Variants in IFT88 observed in about 807,000 individuals in gnomAD.
IFT88 encodes the protein intraflagellar transport 88, also known as intraflagellar transport protein 88 homolog.
In IFT88, 74 loss-of-function variants were observed where a neutral mutation model predicts 119.5. That is an observed-to-expected ratio of 0.62 (90% CI 0.51 to 0.75). The LOEUF is 0.75. IFT88 is among the 30% of genes least tolerant of loss of function. The pLI, the probability that IFT88 is intolerant of heterozygous loss-of-function variation, is 0.00. For missense variants in IFT88, 961 were observed against 977.7 expected (o/e 0.98, Z 0.23); for synonymous variants, 279 against 316.7 (o/e 0.88, Z 1.26).
chr13:20,656,447 A>T lies in IFT88; in HGVS notation c.2068+17A>T. 1 of 1,314,330 alleles carries T rather than the reference A, an allele frequency of 7.6e-7. No homozygotes were observed. Among genetic ancestry groups the T allele is most frequent in the Non-Finnish European group, 1.1e-6 (1 of 941,270 alleles). The allele number at this position is 1,314,330 out of a possible 1,614,324, so 81.4% of individuals were successfully genotyped here. On this transcript the variant is annotated intron_variant, in intron 22 of 25. Transcript: ENST00000351808. ...ATGTCGAATGTAAGTGGCATTACAT[A>T]ATGTAACTTTGAAGTGATAAGTTCT...
At chr13:20,664,442 G>T (rs1239298158) in intron 23 of IFT88, among the ~76,000 whole-genome samples, 1 of 152,136 alleles carries the variant, frequency 6.6e-6, no homozygotes, top group Non-Finnish European at 1.5e-5. Context: ...AGCAATTGTG[G>T]CACTGGGTTG....
At chr13:20,645,020 A>G in intron 20 of IFT88, 62 bp downstream of exon 20, 2 of 740,466 alleles carry the variant, frequency 2.7e-6, no homozygotes, top group Non-Finnish European at 4.7e-6. Flanking sequence ...TTTAATCCCT[A>G]GAATTAGTAT....
rs377274164 is a variant in IFT88, at chr13:20,691,207, A to G, written c.*32A>G. ...CTTTAATATTTATTAAAGGAAAGAAATTGCCTTATGAGATCATCCTCATGT... is the reference window on the plus strand; with the variant it reads ...CTTTAATATTTATTAAAGGAAAGAAGTTGCCTTATGAGATCATCCTCATGT... On this transcript the variant is annotated 3_prime_UTR_variant, in exon 26 of 26. Transcript: ENST00000351808. 1.9e-6 allele frequency: 3 copies of G among 1,586,216 alleles called. No homozygotes were observed. Among genetic ancestry groups the G allele is most frequent in the Non-Finnish European group, 2.6e-6 (3 of 1,160,470 alleles).
intron 23 of IFT88, among the ~76,000 whole-genome samples, chr13:20,668,267 G>A (rs997019646): frequency 6.6e-6 from 1 of 152,234 alleles, no homozygotes; most frequent in Non-Finnish European, 1.5e-5. Flanking sequence ...TCCGAAGGAA[G>A]CACTTAGATC....
chr13:20,625,644 AC>A (rs1227856342), intron 14 of IFT88, 105 bp from the exon 15 acceptor site: 9 of 694,204 alleles, frequency 1.3e-5, no homozygotes, highest in Non-Finnish European at 2.2e-5. Flanking sequence ...TTTACAGAGT[AC>A]TAGGGACCCT....
chr13:20,644,163 T>A (rs1219528371), intron 19 of IFT88, among the ~76,000 whole-genome samples: 1 of 152,036 alleles, frequency 6.6e-6, no homozygotes, highest in African/African-American at 2.4e-5. Context: ...GACCAAGAGA[T>A]GAAGAACAGC....
intron 19 of IFT88, 119 bp downstream of exon 19, chr13:20,643,724 A>G: frequency 1.4e-6 from 1 of 719,416 alleles, no homozygotes. Context: ...TTTATTTAAA[A>G]TAAAGCATTC....
chr13:20,619,018 G>A (rs1000569292), intron 14 of IFT88, among the ~76,000 whole-genome samples: 4 of 151,752 alleles, frequency 2.6e-5, no homozygotes, highest in South Asian at 2.1e-4. Flanking sequence ...TGCCACGCCC[G>A]GCCAATTTTT....
chr13:20,637,893 C>G lies in IFT88; in HGVS notation c.1387-439C>G, dbSNP rs2497491. Among the ~76,000 whole-genome samples, 369 of 152,198 alleles carry G rather than the reference C, an allele frequency of 2.4e-3. 1 individual carries two copies. Among genetic ancestry groups the G allele is most frequent in the Admixed American group, 4.6e-3 (70 of 15,276 alleles). On this transcript the variant is annotated intron_variant, in intron 16 of 25. Coordinates refer to ENST00000351808, the MANE Select transcript of IFT88 (RefSeq NM_006531.5). Reference sequence around the variant, plus strand: ...ACGTGAATGATGGCAAGGCCCTGACCGAGCATTTGGCATGGAGACGGAAAA... The same window carrying G: ...ACGTGAATGATGGCAAGGCCCTGACGGAGCATTTGGCATGGAGACGGAAAA...
chr13:20,610,640 T>C (rs1209782172), intron 13 of IFT88, among the ~76,000 whole-genome samples: 1 of 150,836 alleles, frequency 6.6e-6, no homozygotes, highest in Non-Finnish European at 1.5e-5. Flanking sequence ...CTTTCCTTTA[T>C]GAATGTAGAA....
At chr13:20,580,724 CTTTTT>C (rs1162699940) in intron 2 of IFT88, among the ~76,000 whole-genome samples, 2 of 122,738 alleles carry the variant, frequency 1.6e-5, no homozygotes, top group Non-Finnish European at 1.7e-5. Flanking sequence ...TTTCTTTTTT[CTTTTT>C]TTTTTTTTTT....
chr13:20,582,120 AG>A (rs1242726056), intron 2 of IFT88, among the ~76,000 whole-genome samples: 4 of 152,118 alleles, frequency 2.6e-5, no homozygotes, highest in African/African-American at 9.7e-5. Flanking sequence ...ATGTGTCTGA[AG>A]GGTTAAAGCC....
chr13:20,639,247 T>G (rs1404540390), intron 17 of IFT88, among the ~76,000 whole-genome samples: 1 of 152,224 alleles, frequency 6.6e-6, no homozygotes, highest in Non-Finnish European at 1.5e-5. Flanking sequence ...TTATGGACTT[T>G]ACTTAGATGT....
chr13:20,653,877 C>T lies in IFT88; in HGVS notation c.1951C>T (p.Pro651Ser). 2 of 1,561,638 alleles carry T rather than the reference C, an allele frequency of 1.3e-6. No homozygotes were observed. Among genetic ancestry groups the T allele is most frequent in the South Asian group, 1.2e-5 (1 of 85,038 alleles). ...QYFERASLIQ[P>S]TQVKWQLMVA... is the part of the protein sequence containing the mutation. ...TCATCTCATTTATTTATTTTATAGGCCTACACAAGTGAAATGGCAGCTGAT... is the reference window on the plus strand; with the variant it reads ...TCATCTCATTTATTTATTTTATAGGTCTACACAAGTGAAATGGCAGCTGAT... Residue 651 changes from proline (P) to serine (S), a missense_variant and splice_region_variant, in exon 21 of 26, where the codon CCT (proline) becomes TCT (serine). Transcript: ENST00000351808.
intron 23 of IFT88, among the ~76,000 whole-genome samples, chr13:20,667,206 C>T (rs2054860206): frequency 6.6e-6 from 1 of 152,170 alleles, no homozygotes; most frequent in Non-Finnish European, 1.5e-5. Context: ...ATAAGAATTT[C>T]TGTGAACTTT....
At chr13:20,588,554 A>G (rs370673903) in intron 3 of IFT88, among the ~76,000 whole-genome samples, 1 of 152,208 alleles carries the variant, frequency 6.6e-6, no homozygotes, top group South Asian at 2.1e-4. Context: ...TAGCCACATG[A>G]AACTATTTAC....
rs9579902 is a variant in IFT88, at chr13:20,584,676, A to G, written c.153+1657A>G. 3.3e-3 allele frequency among the ~76,000 whole-genome samples: 496 copies of G among 152,334 alleles called. 4 individuals are homozygous for G. The highest frequency in any genetic ancestry group is 0.011 in the African/African-American group (470 of 41,580). ...CTTTCACAGTGCATGAAATCTGCCA[A>G]GCTTTGTTTGTAGTTGAAAATAAAC... On this transcript the variant is annotated intron_variant, in intron 3 of 25. Transcript: ENST00000351808.
chr13:20,575,144 T>G (rs1241872562), intron 2 of IFT88, among the ~76,000 whole-genome samples: 1 of 151,998 alleles, frequency 6.6e-6, no homozygotes, highest in Non-Finnish European at 1.5e-5. Context: ...ATCATCCTTC[T>G]ATTCTTTATC....
intron 12 of IFT88, among the ~76,000 whole-genome samples, chr13:20,602,627 G>C (rs774291970): frequency 3.3e-5 from 5 of 152,110 alleles, no homozygotes; most frequent in Non-Finnish European, 7.4e-5. Flanking sequence ...GCTCACACCT[G>C]TAATTCCAGC....
Sources: allele counts gnomAD v4.1 joint callset (sites outside exome capture counted in the v4.1 genomes callset), GRCh38; gene constraint gnomAD v4.1.1; transcripts MANE v1.5; gene names NCBI Gene and HGNC (gene_info 2026-07-23, HGNC 2026-07-21).